Variants in MARK2 observed in about 807,000 individuals in gnomAD.
MARK2 encodes the protein microtubule affinity regulating kinase 2, also known as serine/threonine-protein kinase MARK2.
MARK2 carries 16 observed loss-of-function variants against 89.8 expected under a neutral mutation model. That is an observed-to-expected ratio of 0.18 (90% CI 0.12 to 0.27). MARK2 has a LOEUF of 0.27. Ranked by LOEUF, MARK2 falls within the 10% of genes least tolerant of loss-of-function variation. MARK2 has a pLI of 1.00. For synonymous variants in MARK2, 382 were observed against 399.5 expected (o/e 0.96, Z 0.52); for missense variants, 621 against 1,049.9 (o/e 0.59, Z 5.65).
intron 3 of MARK2, 146 bp downstream of exon 3, chr11:63,895,779 C>G: frequency 2.7e-6 from 2 of 736,504 alleles, no homozygotes; most frequent in Non-Finnish European, 4.6e-6. Context: ...AAGCGATTCT[C>G]CCGCCTCAGC....
intron 1 of MARK2, among the ~76,000 whole-genome samples, chr11:63,868,052 A>G (rs978269155): frequency 1.1e-4 from 16 of 152,212 alleles, no homozygotes; most frequent in African/African-American, 3.9e-4. Context: ...TACTTTGCAC[A>G]TGGTCACCTC....
chr11:63,905,154 G>A, intron 16 of MARK2, 111 bp downstream of exon 16: 1 of 1,259,134 alleles, frequency 7.9e-7, no homozygotes, highest in East Asian at 2.4e-5. Flanking sequence ...ACCGGTATTG[G>A]GTCCTGGGGT....
intron 1 of MARK2, among the ~76,000 whole-genome samples, chr11:63,841,254 C>CTGG (rs1280940719): frequency 6.6e-6 from 1 of 152,106 alleles, no homozygotes; most frequent in Non-Finnish European, 1.5e-5. Context: ...ATTTTGTTAC[C>CTGG]CCCTGGCCCT....
At chr11:63,862,710 A>G (rs1472121869) in intron 1 of MARK2, among the ~76,000 whole-genome samples, 2 of 152,182 alleles carry the variant, frequency 1.3e-5, no homozygotes, top group African/African-American at 2.4e-5. Flanking sequence ...ACCCCTTTAG[A>G]AAAACCAAAG....
intron 1 of MARK2, among the ~76,000 whole-genome samples, chr11:63,858,019 GTTA>G (rs2016953616): frequency 6.6e-6 from 1 of 150,716 alleles, no homozygotes; most frequent in Non-Finnish European, 1.5e-5. Flanking sequence ...TATTATCATC[GTTA>G]TTATTGTTTT....
chr11:63,908,994 C>T lies in MARK2; in HGVS notation c.2124C>T (p.Asn708=), dbSNP rs150226338. ...SMKTTSSMEP[N]EMMREIRKVL... is the part of the protein sequence containing the mutation. ...AGACCACGAGCTCCATGGAGCCCAA[C>T]GAGATGATGCGGGAGATCCGCAAGG... Residue 708 remains asparagine (N), a synonymous_variant, in exon 19 of 19, where the codon AAC becomes AAT. Transcript: ENST00000402010. 47 of 1,579,514 alleles carry T rather than the reference C, an allele frequency of 3.0e-5. No individual in the cohort carries two copies. The highest frequency in any genetic ancestry group is 5.4e-5 in the African/African-American group (4 of 74,464).
intron 1 of MARK2, chr11:63,868,477 T>G: frequency 4.0e-6 from 1 of 252,990 alleles, no homozygotes; most frequent in Non-Finnish European, 8.0e-6. Context: ...ACCAGTATCT[T>G]AAGTAGGTGT....
rs1309225186 is a variant in MARK2, at chr11:63,900,121, G to A, written c.768+11G>A. 6.9e-6 allele frequency: 11 copies of A among 1,588,538 alleles called. No homozygotes were observed. In the South Asian group the frequency reaches 9.9e-5, roughly 14 times the overall value. On this transcript the variant is annotated intron_variant, in intron 8 of 18. Transcript: ENST00000402010. This position sits in a 1 kb window ranked among gnomAD's most constrained non-coding sequence, Gnocchi z 4.7. ...GGACAGAACCTCAAGGTGGAGTGAA[G>A]TGCAAGCTTTTTATTGCTTCTCATT...
At position 63,903,088 on chromosome 11, in the gene MARK2, C is replaced by A; in HGVS notation, c.1444C>A (p.Arg482=). The change falls in exon 14 of 19, where the codon CGA becomes AGA. Residue 482 remains arginine, a synonymous_variant. Transcript: ENST00000402010. The surrounding 1 kb of genome is among the most constrained non-coding windows in gnomAD (Gnocchi z 5.1). ...TNSVLSTSTN[R]SRNSPLLERA... is the part of the protein sequence containing the mutation. ...CAGCGTCCTCTCCACCAGCACAAAT[C>A]GAAGCAGGAATTCCCCACTTTTGGA... is the stretch of plus-strand genomic sequence containing the variant. The A allele has an allele frequency of 6.2e-7, 1 of 1,614,066 alleles. No individual in the cohort carries two copies.
intron 1 of MARK2, among the ~76,000 whole-genome samples, chr11:63,862,855 C>T (rs1350659178): frequency 2.7e-5 from 3 of 110,880 alleles, no homozygotes; most frequent in African/African-American, 8.5e-5. Context: ...TTGTAAGCAC[C>T]CCACTCCCCA....
chr11:63,869,011 C>T (rs1205956574), intron 1 of MARK2: 2 of 374,142 alleles, frequency 5.3e-6, no homozygotes, highest in Non-Finnish European at 1.1e-5. Flanking sequence ...TCCGAGGCCA[C>T]TGTGAGTGAG....
At chr11:63,906,020 C>T (rs1438570565) in intron 16 of MARK2, 68 bp from the exon 17 acceptor site, 5 of 1,293,446 alleles carry the variant, frequency 3.9e-6, no homozygotes, top group Admixed American at 3.3e-5. Context: ...TGCTTATCCA[C>T]ATACCGTCTT....
At chr11:63,895,709 G>C in intron 3 of MARK2, 76 bp downstream of exon 3, 2 of 1,241,600 alleles carry the variant, frequency 1.6e-6, no homozygotes, top group East Asian at 4.7e-5. Flanking sequence ...CACTCTTGTC[G>C]CCCAGGCTGG....
chr11:63,845,576 C>T (rs1390874792), intron 1 of MARK2, among the ~76,000 whole-genome samples: 1 of 152,130 alleles, frequency 6.6e-6, no homozygotes, highest in South Asian at 2.1e-4. Flanking sequence ...AAGAGTAAGC[C>T]TTTACAAACC....
In MARK2 at chr11:63,904,914, T is replaced by A; in HGVS notation, c.1805T>A (p.Leu602His). 6.2e-7 allele frequency: 1 copy of A among 1,614,190 alleles called. No individual in the cohort carries two copies. Among genetic ancestry groups the A allele is most frequent in the Non-Finnish European group, 8.5e-7 (1 of 1,180,036 alleles). ...CGAAGCACCTTCCATGCTGGGCAGC[T>A]CCGACAGGTGCGGGACCAGCAGAAT... ...SSRSTFHAGQ[L>H]RQVRDQQNLP... Residue 602 changes from leucine (L) to histidine (H), a missense_variant, in exon 16 of 19, where the codon CTC (leucine) becomes CAC (histidine). Coordinates refer to ENST00000402010, the MANE Select transcript of MARK2 (RefSeq NM_001039469.3). The surrounding 1 kb of genome is among the most constrained non-coding windows in gnomAD (Gnocchi z 6.3).
chr11:63,897,900 A>G (rs1940547153), intron 3 of MARK2, among the ~76,000 whole-genome samples: 1 of 152,184 alleles, frequency 6.6e-6, no homozygotes. Context: ...GATTCTGAAT[A>G]TTCACGCACA....
intron 3 of MARK2, 91 bp from the exon 4 acceptor site, chr11:63,898,141 T>C: frequency 8.5e-7 from 1 of 1,180,030 alleles, no homozygotes; most frequent in Non-Finnish European, 1.2e-6. Context: ...GTTTTGGTTT[T>C]TTGGGAAAAA....
rs762439455 is a variant in MARK2 at position 63,903,122 on chromosome 11, G to A, written c.1478G>A (p.Ser493Asn). The change falls in exon 14 of 19, where the codon AGC becomes AAC. Residue 493 changes from serine to asparagine, a missense_variant. By Grantham distance (46) the Ser-to-Asn change is conservative (BLOSUM62 1). Coordinates refer to ENST00000402010, the MANE Select transcript of MARK2 (RefSeq NM_001039469.3). The surrounding 1 kb of genome is among the most constrained non-coding windows in gnomAD (Gnocchi z 5.1). ...AATTCCCCACTTTTGGAGCGGGCCA[G>A]CCTCGGCCAGGCCTCCATCCAGAAT... ...SRNSPLLERA[S>N]LGQASIQNGK... The A allele has an allele frequency of 1.2e-6, 2 of 1,613,770 alleles. No homozygotes were observed. The highest frequency in any genetic ancestry group is 1.3e-5 in the African/African-American group (1 of 74,902).
At chr11:63,861,296 C>T (rs1301115993) in intron 1 of MARK2, among the ~76,000 whole-genome samples, 2 of 151,992 alleles carry the variant, frequency 1.3e-5, no homozygotes, top group Non-Finnish European at 2.9e-5. Context: ...CGTAGCCAGG[C>T]GTGGTGGTGG....
Sources: gnomAD v4.1 joint callset for allele counts (sites outside exome capture counted in the v4.1 genomes callset) on GRCh38, gnomAD v4.1.1 for gene constraint, Gnocchi (gnomAD v3.1) non-coding constraint, MANE v1.5 for transcripts, NCBI Gene and HGNC (gene_info 2026-07-23, HGNC 2026-07-21) for gene names.